Variants in EIF3H observed in about 807,000 individuals in gnomAD.
EIF3H encodes eIF-3-gamma.
Under a neutral mutation model 44.2 loss-of-function variants are expected in EIF3H, and 26 were observed. The ratio of observed to expected loss-of-function variants is 0.59; its 90% CI spans 0.43 to 0.82. The LOEUF (loss-of-function observed/expected upper bound fraction) is 0.82, where lower values mean the gene tolerates loss of function less well. EIF3H is among the 40% of genes least tolerant of loss of function. The probability of loss-of-function intolerance (pLI) is 0.00; values close to 1 mark genes in which losing one functional copy is unlikely to be tolerated. For synonymous variants in EIF3H, 166 were observed against 151.9 expected (o/e 1.09, Z -0.68); for missense variants, 359 against 432.8 (o/e 0.83, Z 1.51).
At chr8:116,725,584 T>C (rs1814821341) in intron 2 of EIF3H, among the ~76,000 whole-genome samples, 1 of 152,198 alleles carries the variant, frequency 6.6e-6, no homozygotes, top group East Asian at 1.9e-4. Context: ...AAAAATAAAA[T>C]TTCTGAAATG....
intron 1 of EIF3H, among the ~76,000 whole-genome samples, chr8:116,737,078 A>G (rs970259678): frequency 2.6e-5 from 4 of 152,192 alleles, no homozygotes; most frequent in Non-Finnish European, 5.9e-5. Flanking sequence ...GAAAATGTTA[A>G]AATATTTACC....
At chr8:116,664,928 T>C (rs1489501976) in intron 2 of EIF3H, among the ~76,000 whole-genome samples, 2 of 151,342 alleles carry the variant, frequency 1.3e-5, no homozygotes, top group East Asian at 2.0e-4. Context: ...AATTACCACT[T>C]AGTGAGCACT....
At chr8:116,724,376 T>C (rs1165901122) in intron 2 of EIF3H, among the ~76,000 whole-genome samples, 1 of 152,126 alleles carries the variant, frequency 6.6e-6, no homozygotes, top group Admixed American at 6.5e-5. Flanking sequence ...AAAAGCTTCA[T>C]GACATTGGAT....
chr8:116,739,303 T>C (rs1336754612), intron 1 of EIF3H, among the ~76,000 whole-genome samples: 2 of 152,242 alleles, frequency 1.3e-5, no homozygotes, highest in East Asian at 1.9e-4. Context: ...TAAGGAATAC[T>C]TTCAGTTAAT....
At chr8:116,733,099 C>T (rs1025216062) in intron 1 of EIF3H, among the ~76,000 whole-genome samples, 1 of 152,134 alleles carries the variant, frequency 6.6e-6, no homozygotes, top group African/African-American at 2.4e-5. Flanking sequence ...CAGTAATTTG[C>T]TAGAATGACT....
chr8:116,728,656 T>C (rs1814897459), intron 1 of EIF3H, among the ~76,000 whole-genome samples: 1 of 152,176 alleles, frequency 6.6e-6, no homozygotes, highest in Non-Finnish European at 1.5e-5. Flanking sequence ...CCTTCAATAC[T>C]ACGAAATGAA....
chr8:116,762,584 C>G (rs1815528702), intron 1 of EIF3H, among the ~76,000 whole-genome samples: 2 of 152,216 alleles, frequency 1.3e-5, no homozygotes, highest in African/African-American at 4.8e-5. Flanking sequence ...GCAACACTTA[C>G]ACTTACATAT....
intron 6 of EIF3H, among the ~76,000 whole-genome samples, chr8:116,647,249 C>T (rs750136479): frequency 4.6e-5 from 7 of 151,956 alleles, no homozygotes; most frequent in Non-Finnish European, 8.8e-5. Context: ...TTACAGGCGC[C>T]CACCACCACA....
At chr8:116,685,088 A>T (rs1453888950) in intron 2 of EIF3H, among the ~76,000 whole-genome samples, 1 of 152,172 alleles carries the variant, frequency 6.6e-6, no homozygotes, top group African/African-American at 2.4e-5. Flanking sequence ...TTTGATATTG[A>T]TATTATGCAA....
intron 2 of EIF3H, among the ~76,000 whole-genome samples, chr8:116,686,266 C>G (rs2130852622): frequency 6.6e-6 from 1 of 152,206 alleles, no homozygotes; most frequent in Non-Finnish European, 1.5e-5. Context: ...ATTATTACTT[C>G]AAATATAAAA....
At chr8:116,738,247 C>T (rs1167557190) in intron 1 of EIF3H, among the ~76,000 whole-genome samples, 6 of 152,086 alleles carry the variant, frequency 3.9e-5, no homozygotes, top group Non-Finnish European at 8.8e-5. Context: ...TTTTTTCTGA[C>T]AGTACTACTG....
intron 6 of EIF3H, among the ~76,000 whole-genome samples, chr8:116,647,646 T>G (rs1196027062): frequency 6.6e-6 from 1 of 152,194 alleles, no homozygotes; most frequent in Non-Finnish European, 1.5e-5. Flanking sequence ...CCTTAAAATG[T>G]CAGGTAATGA....
In EIF3H at chr8:116,642,176, T is replaced by TA. The variant is rs1813233377; in HGVS notation, c.*2829dup. On this transcript the variant is annotated 3_prime_UTR_variant, in exon 8 of 8. Transcript: ENST00000521861. ...GTAAAAATGGAGTTTATAATGAAAA[T>TA]AAAAAATTATTTCATAACATTCTGA... The TA allele has an allele frequency of 6.6e-6, 1 of 152,106 alleles. No homozygotes were observed. The highest frequency in any genetic ancestry group is 1.5e-5 in the Non-Finnish European group (1 of 68,008). 9.4% of individuals were successfully genotyped at this position (152,106 alleles called of 1,614,324 possible).
intron 5 of EIF3H, among the ~76,000 whole-genome samples, chr8:116,655,261 A>G (rs1428611186): frequency 1.3e-5 from 2 of 151,502 alleles, no homozygotes; most frequent in East Asian, 3.9e-4. Flanking sequence ...TTTTACAAAT[A>G]TAATAAACAT....
At chr8:116,705,287 A>G (rs1814448999) in intron 2 of EIF3H, among the ~76,000 whole-genome samples, 1 of 152,360 alleles carries the variant, frequency 6.6e-6, no homozygotes, top group African/African-American at 2.4e-5. Flanking sequence ...AGCAAGAATC[A>G]ATATAAGGAG....
chr8:116,659,083 T>C lies in EIF3H; in HGVS notation c.290-103A>G, dbSNP rs1813543240. 4.2e-6 allele frequency: 4 copies of C among 950,804 alleles called. No individual in the cohort carries two copies. In the South Asian group the frequency reaches 8.0e-5, roughly 19 times the overall value. The allele number at this position is 950,804 out of a possible 1,614,324, so 58.9% of individuals were successfully genotyped here. ...AAACAAATGTCTACATAACAATTTA[T>C]TAGCAATAGGGAACAGGATTCCAGA... On this transcript the variant is annotated intron_variant, in intron 2 of 7. Transcript: ENST00000521861.
chr8:116,646,442 CA>C (rs1456467970), intron 7 of EIF3H, 28 bp downstream of exon 7: 1 of 1,613,934 alleles, frequency 6.2e-7, no homozygotes, highest in African/African-American at 1.3e-5. Flanking sequence ...CGAACAAAAC[CA>C]GCCAGGTTTT....
At chr8:116,742,601 C>G (rs1375145043) in intron 1 of EIF3H, among the ~76,000 whole-genome samples, 1 of 152,168 alleles carries the variant, frequency 6.6e-6, no homozygotes, top group African/African-American at 2.4e-5. Context: ...CCTTCTAACA[C>G]ATTCTAAGTT....
At chr8:116,711,516 A>G (rs751857140) in intron 2 of EIF3H, among the ~76,000 whole-genome samples, 9 of 152,216 alleles carry the variant, frequency 5.9e-5, no homozygotes, top group Non-Finnish European at 1.3e-4. Flanking sequence ...TTAAAAACTG[A>G]GTACATTTAA....
Sources: gnomAD v4.1 joint callset for allele counts (sites outside exome capture counted in the v4.1 genomes callset) on GRCh38, gnomAD v4.1.1 for gene constraint, MANE v1.5 for transcripts, NCBI Gene and HGNC (gene_info 2026-07-23, HGNC 2026-07-21) for gene names.